The following PAPPA2 variants were observed in gnomAD, a reference collection of about 807,000 sequenced individuals.
PAPPA2 encodes pappalysin 2.
PAPPA2 carries 86 observed loss-of-function variants against 176.4 expected under a neutral mutation model. The ratio of observed to expected loss-of-function variants is 0.49; its 90% confidence interval spans 0.41 to 0.58. PAPPA2 has a LOEUF of 0.58. Among genes scored for constraint, PAPPA2 ranks in the 20% least tolerant of loss-of-function variants. PAPPA2 has a pLI of 0.00. For synonymous variants in PAPPA2, 809 were observed against 852.2 expected (o/e 0.95, Z 0.88); for missense variants, 2,073 against 2,256.9 (o/e 0.92, Z 1.65).
intron 3 of PAPPA2, among the ~76,000 whole-genome samples, chr1:176,659,887 C>T (rs1327197651): frequency 6.6e-6 from 1 of 152,076 alleles, no homozygotes; most frequent in Admixed American, 6.6e-5. Context: ...TATACTGAGG[C>T]AATATATGGC....
intron 16 of PAPPA2, among the ~76,000 whole-genome samples, chr1:176,770,174 G>A (rs935480777): frequency 6.6e-6 from 1 of 152,154 alleles, no homozygotes; most frequent in Non-Finnish European, 1.5e-5. Context: ...TGGCTTTAGT[G>A]CTGGTTAGAG....
chr1:176,600,227 G>C (rs1242663389), intron 3 of PAPPA2, among the ~76,000 whole-genome samples: 1 of 152,092 alleles, frequency 6.6e-6, no homozygotes, highest in African/African-American at 2.4e-5. Context: ...AGCAGAACAT[G>C]GGATGTGGCT....
At chr1:176,793,480 C>G in intron 19 of PAPPA2, 80 bp from the exon 20 acceptor site, 1 of 1,252,574 alleles carries the variant, frequency 8.0e-7, no homozygotes, top group South Asian at 1.3e-5. Flanking sequence ...TCTTTAAAAA[C>G]TCAAAGCTAT....
chr1:176,757,193 A>G (rs1245253699), intron 14 of PAPPA2, among the ~76,000 whole-genome samples: 1 of 152,228 alleles, frequency 6.6e-6, no homozygotes, highest in African/African-American at 2.4e-5. Context: ...TTATAGTAGC[A>G]TGATTTATAA....
intron 5 of PAPPA2, chr1:176,691,017 TA>T: frequency 1.0e-6 from 1 of 985,330 alleles, no homozygotes; most frequent in Non-Finnish European, 1.2e-6. Context: ...CATCTAATTT[TA>T]AAAAAATGGC....
intron 17 of PAPPA2, among the ~76,000 whole-genome samples, chr1:176,774,394 G>T (rs964874383): frequency 6.6e-6 from 1 of 152,086 alleles, no homozygotes; most frequent in Admixed American, 6.6e-5. Context: ...TCTTAACTAT[G>T]CAAAACAGAG....
chr1:176,531,160 A>C (rs988571673), intron 1 of PAPPA2, among the ~76,000 whole-genome samples: 2 of 152,200 alleles, frequency 1.3e-5, no homozygotes, highest in African/African-American at 4.8e-5. Flanking sequence ...TGTTCACACC[A>C]ACACAGTTTC....
At chr1:176,638,263 G>A (rs550959341) in intron 3 of PAPPA2, among the ~76,000 whole-genome samples, 1 of 151,876 alleles carries the variant, frequency 6.6e-6, no homozygotes, top group Non-Finnish European at 1.5e-5. Context: ...TTAAAGATAA[G>A]TATGAATCTG....
chr1:176,806,165 G>A (rs943610589), intron 21 of PAPPA2, among the ~76,000 whole-genome samples: 3 of 152,104 alleles, frequency 2.0e-5, no homozygotes, highest in African/African-American at 7.2e-5. Context: ...CTCTGTCTGA[G>A]CCTGAGCTGC....
chr1:176,651,974 C>T (rs1203754478), intron 3 of PAPPA2, among the ~76,000 whole-genome samples: 1 of 151,556 alleles, frequency 6.6e-6, no homozygotes, highest in East Asian at 1.9e-4. Context: ...TCAGTTCCAA[C>T]ATTTCTGTTT....
intron 14 of PAPPA2, among the ~76,000 whole-genome samples, chr1:176,747,626 G>A (rs1263432788): frequency 1.3e-5 from 2 of 152,128 alleles, no homozygotes; most frequent in Non-Finnish European, 2.9e-5. Context: ...TTGAAAGCCT[G>A]GCTTATGTGT....
intron 1 of PAPPA2, among the ~76,000 whole-genome samples, chr1:176,488,435 G>A (rs1481318244): frequency 1.1e-4 from 16 of 152,120 alleles, no homozygotes; most frequent in Non-Finnish European, 2.2e-4. Flanking sequence ...GAAGCAGAGT[G>A]ATGGTGGAGA....
chr1:176,708,954 T>C (rs1661010923), intron 10 of PAPPA2, among the ~76,000 whole-genome samples: 2 of 152,196 alleles, frequency 1.3e-5, no homozygotes, highest in South Asian at 4.1e-4. Flanking sequence ...GAAATTTGAA[T>C]TGTGCCATTA....
At chr1:176,690,497 G>A (rs1238134050) in intron 5 of PAPPA2, 67 bp downstream of exon 5, 1 of 1,574,928 alleles carries the variant, frequency 6.3e-7, no homozygotes. Context: ...CTGGGAGGGT[G>A]GAGGTGTGGG....
At chr1:176,828,830 C>T (rs774851597) in intron 21 of PAPPA2, among the ~76,000 whole-genome samples, 92 of 151,686 alleles carry the variant, frequency 6.1e-4, no homozygotes, top group African/African-American at 2.1e-3. Flanking sequence ...GGTGAAACCC[C>T]GTCTCTACTA....
chr1:176,831,073 A>G (rs1013668818), intron 21 of PAPPA2, among the ~76,000 whole-genome samples: 1 of 152,214 alleles, frequency 6.6e-6, no homozygotes, highest in African/African-American at 2.4e-5. Flanking sequence ...GGGGTAGACA[A>G]AAGTTTTTTC....
chr1:176,840,063 T>C, intron 21 of PAPPA2, 110 bp from the exon 22 acceptor site: 1 of 870,936 alleles, frequency 1.1e-6, no homozygotes, highest in Non-Finnish European at 1.8e-6. Context: ...TGGGTGCTTT[T>C]CTGTAATATC....
chr1:176,652,009 T>A (rs1657752615), intron 3 of PAPPA2, among the ~76,000 whole-genome samples: 1 of 151,668 alleles, frequency 6.6e-6, no homozygotes, highest in Non-Finnish European at 1.5e-5. Flanking sequence ...TATGTCAATC[T>A]CTTTGTTAAT....
chr1:176,562,772 A>T (rs769746552), intron 2 of PAPPA2, among the ~76,000 whole-genome samples: 2 of 152,194 alleles, frequency 1.3e-5, no homozygotes, highest in Non-Finnish European at 2.9e-5. Flanking sequence ...GATGGTTGTA[A>T]ATTAGCATCT....
Sources: gnomAD v4.1 joint callset for allele counts (sites outside exome capture counted in the v4.1 genomes callset) on GRCh38, gnomAD v4.1.1 for gene constraint, MANE v1.5 for transcripts, NCBI Gene and HGNC (gene_info 2026-07-23, HGNC 2026-07-21) for gene names.